Variants in ESCO1 observed in about 807,000 individuals in gnomAD.
ESCO1 encodes the protein establishment of sister chromatid cohesion N-acetyltransferase 1.
ESCO1 carries 33 observed loss-of-function variants against 83.5 expected under a neutral mutation model. The observed-to-expected ratio is 0.40, with a 90% CI of 0.30 to 0.53. The LOEUF is 0.53. Among genes scored for constraint, ESCO1 ranks in the 20% least tolerant of loss-of-function variants. The pLI, the probability that ESCO1 is intolerant of heterozygous loss-of-function variation, is 0.63. For synonymous variants in ESCO1, 332 were observed against 324.3 expected, an observed-to-expected ratio of 1.02 and a Z score of -0.25; for missense variants, 855 against 968.0, an observed-to-expected ratio of 0.88 and a Z score of 1.55.
At chr18:21,583,996 A>G (rs1466611333) in intron 2 of ESCO1, among the ~76,000 whole-genome samples, 2 of 152,218 alleles carry the variant, frequency 1.3e-5, no homozygotes, top group Non-Finnish European at 2.9e-5. Context: ...TTGTGTAAAG[A>G]GAGAAAAAGG....
intron 11 of ESCO1, among the ~76,000 whole-genome samples, chr18:21,531,438 A>G (rs185666495): frequency 6.6e-6 from 1 of 152,260 alleles, no homozygotes; most frequent in African/African-American, 2.4e-5. Flanking sequence ...GCTGTCTCCA[A>G]AAAAGAAAAA....
intron 8 of ESCO1, among the ~76,000 whole-genome samples, chr18:21,545,517 G>A (rs1045192362): frequency 4.1e-5 from 6 of 144,708 alleles, no homozygotes; most frequent in Non-Finnish European, 7.6e-5. Flanking sequence ...AGGCTGCAGC[G>A]AGCCGAGATC....
intron 11 of ESCO1, among the ~76,000 whole-genome samples, chr18:21,532,186 C>T (rs1027032299): frequency 6.6e-6 from 1 of 152,136 alleles, no homozygotes; most frequent in African/African-American, 2.4e-5. Flanking sequence ...CAAAATGAAG[C>T]ACAACTTGAA....
chr18:21,564,081 C>A, intron 7 of ESCO1, 122 bp downstream of exon 7: 1 of 680,836 alleles, frequency 1.5e-6, no homozygotes, highest in Non-Finnish European at 2.5e-6. Context: ...CATAGAACCA[C>A]AAGCCAAATA....
rs35451929 is a variant in ESCO1 at position 21,530,505 on chromosome 18, T to TG, written c.2376-16dup. 3.8e-3 allele frequency: 4,352 copies of TG among 1,148,576 alleles called. 132 individuals carry two copies. In the African/African-American group the frequency reaches 0.057, roughly 15 times the overall value. 71.1% of individuals were successfully genotyped at this position (1,148,576 alleles called of 1,614,324 possible). On this transcript the variant is annotated splice_polypyrimidine_tract_variant and intron_variant, in intron 11 of 11. Transcript: ENST00000269214. ...TAAAGTTACTCCTATTAAAAAAAAA[T>TG]GGGGGGGGGGAAGGGTTAAGTGTGA...
intron 2 of ESCO1, among the ~76,000 whole-genome samples, chr18:21,577,543 C>G (rs1351819914): frequency 6.6e-6 from 1 of 151,334 alleles, no homozygotes. Flanking sequence ...GCCTGTAGTA[C>G]CAGCTACTGG....
At chr18:21,556,500 T>C (rs2038113884) in intron 8 of ESCO1, among the ~76,000 whole-genome samples, 1 of 152,216 alleles carries the variant, frequency 6.6e-6, no homozygotes, top group Admixed American at 6.5e-5. Flanking sequence ...TCCTCAACTT[T>C]CTGTAGCAGC....
chr18:21,544,253 G>C (rs1366208808), intron 8 of ESCO1, among the ~76,000 whole-genome samples: 1 of 150,060 alleles, frequency 6.7e-6, no homozygotes, highest in African/African-American at 2.5e-5. Flanking sequence ...CAGCCTGGGC[G>C]ACAGAGCGAG....
At chr18:21,583,831 T>C (rs1489778507) in intron 2 of ESCO1, among the ~76,000 whole-genome samples, 3 of 152,160 alleles carry the variant, frequency 2.0e-5, no homozygotes, top group Non-Finnish European at 2.9e-5. Flanking sequence ...AGCTACCAAA[T>C]TGTAATTTTA....
At chr18:21,556,105 A>C (rs1214976077) in intron 8 of ESCO1, among the ~76,000 whole-genome samples, 2 of 151,068 alleles carry the variant, frequency 1.3e-5, no homozygotes, top group African/African-American at 4.9e-5. Context: ...AAATACAAAA[A>C]TTAGCCAGGC....
At position 21,566,640 on chromosome 18, in the gene ESCO1, C is replaced by G. The variant is rs568709161; in HGVS notation, c.1646-434G>C. 5.3e-5 allele frequency among the ~76,000 whole-genome samples: 8 copies of G among 152,294 alleles called. No homozygotes were observed. In the South Asian group the frequency reaches 1.7e-3, roughly 32 times the overall value. On this transcript the variant is annotated intron_variant, in intron 5 of 11. Coordinates refer to ENST00000269214, the MANE Select transcript of ESCO1 (RefSeq NM_052911.3). The stretch of plus-strand genomic sequence containing the variant: ...CTTTGGGAGGGCAAGGCAGGCGGAT[C>G]ACCTGAGGTCAGGAGTTCGAGACCA...
At chr18:21,594,505 A>T (rs577447375) in intron 1 of ESCO1, among the ~76,000 whole-genome samples, 2 of 152,284 alleles carry the variant, frequency 1.3e-5, no homozygotes, top group East Asian at 3.9e-4. Flanking sequence ...GGAGTTCGAG[A>T]CCAGCCTGGC....
intron 5 of ESCO1, among the ~76,000 whole-genome samples, chr18:21,567,082 TTTC>T (rs2038272210): frequency 6.6e-6 from 1 of 152,182 alleles, no homozygotes; most frequent in Admixed American, 6.6e-5. Flanking sequence ...AATTAAGAGA[TTTC>T]TTTTCTATAC....
At chr18:21,539,476 A>G (rs1366437753) in intron 9 of ESCO1, among the ~76,000 whole-genome samples, 1 of 152,224 alleles carries the variant, frequency 6.6e-6, no homozygotes, top group African/African-American at 2.4e-5. Context: ...GAATTGGGTT[A>G]TACCCTTTAA....
intron 9 of ESCO1, among the ~76,000 whole-genome samples, chr18:21,538,848 T>G (rs1217807123): frequency 6.6e-6 from 1 of 152,116 alleles, no homozygotes; most frequent in African/African-American, 2.4e-5. Context: ...TGAAAAAGCA[T>G]CCAGAGGTTG....
Position 21,574,855 on chromosome 18 carries a change from G to T in ESCO1, c.-12C>A, listed in dbSNP as rs768302136. The stretch of plus-strand genomic sequence containing the variant: ...TGAATGGACATCATTCCTGAGTAAT[G>T]ACTTTCTTTTCTGAGTAGTTTTGAA... On this transcript the variant is annotated 5_prime_UTR_variant, in exon 4 of 12. Transcript: ENST00000269214. 54 of 1,558,378 alleles carry T rather than the reference G, an allele frequency of 3.5e-5. No homozygotes were observed. In the South Asian group the frequency reaches 6.2e-4, roughly 18 times the overall value.
At chr18:21,535,986 T>A in intron 10 of ESCO1, 56 bp downstream of exon 10, 2 of 1,569,248 alleles carry the variant, frequency 1.3e-6, no homozygotes, top group East Asian at 2.3e-5. Context: ...TATTTGGGAT[T>A]ACGTTGTAAA....
rs2037781677 is a variant in ESCO1 at position 21,532,622 on chromosome 18, C to T, written c.2226G>A (p.Arg742=). Residue 742 remains arginine, a synonymous_variant, in exon 11 of 12, where the codon AGG becomes AGA. Coordinates refer to ENST00000269214, the MANE Select transcript of ESCO1 (RefSeq NM_052911.3). ...CAAATCTGACTTTTTCTTCTTCTGA[C>T]CTGATAACTGGAAGTTTCTCTTCTA... is the stretch of plus-strand genomic sequence containing the variant. ...RVIEEKLPVI[R]SEEEKVRFER... 6.2e-7 allele frequency: 1 copy of T among 1,613,956 alleles called. No homozygotes were observed. The highest frequency in any genetic ancestry group is 8.5e-7 in the Non-Finnish European group (1 of 1,180,004).
intron 1 of ESCO1, among the ~76,000 whole-genome samples, chr18:21,597,262 G>T (rs2038780055): frequency 6.6e-6 from 1 of 152,154 alleles, no homozygotes; most frequent in African/African-American, 2.4e-5. Context: ...GGAAAATCCA[G>T]CTGTCTTCTA....
Sources: allele counts gnomAD v4.1 joint callset (sites outside exome capture counted in the v4.1 genomes callset), GRCh38; gene constraint gnomAD v4.1.1; transcripts MANE v1.5; gene names NCBI Gene and HGNC (gene_info 2026-07-23, HGNC 2026-07-21).